Variants in PRPS1 observed in about 807,000 individuals in gnomAD.
PRPS1 encodes the protein phosphoribosyl pyrophosphate synthetase 1.
A neutral mutation model predicts 16.9 loss-of-function variants in PRPS1; 1 was observed. The observed-to-expected ratio is 0.06, with a 90% CI of 0.02 to 0.28. The LOEUF (loss-of-function observed/expected upper bound fraction) is 0.28, where lower values mean the gene tolerates loss of function less well. PRPS1 is among the 10% of genes least tolerant of loss of function. The pLI is 1.00. For synonymous variants in PRPS1, 70 were observed against 90.2 expected, an observed-to-expected ratio of 0.78 and a Z score of 1.27; for missense variants, 47 against 254.0, an observed-to-expected ratio of 0.19 and a Z score of 5.54.
At position 107,635,466 on chromosome X, in the gene PRPS1, G is replaced by A. The variant is rs1467153945; in HGVS notation, c.123-3829G>A. On this transcript the variant is annotated intron_variant, in intron 1 of 6. Transcript: ENST00000372435. ...TCTGATTTTTTTTTTTTTTGAGACA[G>A]TGTCTCACTCTGTCACCCAGGCTGG... 3.7e-5 allele frequency among the ~76,000 whole-genome samples: 4 copies of A among 106,717 alleles called. No individual in the cohort carries two copies. The East Asian group carries it at 1.2e-3, about 31-fold the overall frequency. 92.7% of individuals were successfully genotyped at this position (106,717 alleles called of 115,157 possible).
intron 6 of PRPS1, among the ~76,000 whole-genome samples, chrX:107,648,612 T>C (rs1925756633): frequency 9.2e-6 from 1 of 108,974 alleles, no homozygotes; most frequent in South Asian, 3.9e-4. Flanking sequence ...GGGGTCTCCC[T>C]ATGTTGCCCA....
intron 5 of PRPS1, 114 bp from the exon 6 acceptor site, chrX:107,647,492 T>C (rs1322657685): frequency 1.2e-6 from 1 of 860,536 alleles, no homozygotes; most frequent in African/African-American, 2.0e-5. Flanking sequence ...TTTTTTTATT[T>C]TTTTTCATAT....
chrX:107,645,482 C>A (rs1925671838), intron 5 of PRPS1, 132 bp downstream of exon 5: 1 of 748,358 alleles, frequency 1.3e-6, no homozygotes, highest in Non-Finnish European at 2.0e-6. Flanking sequence ...TTTTATCACC[C>A]AAGGCTTAAA....
At chrX:107,633,081 T>C (rs1406330304) in intron 1 of PRPS1, among the ~76,000 whole-genome samples, 1 of 111,784 alleles carries the variant, frequency 8.9e-6, no homozygotes, top group East Asian at 2.8e-4. Context: ...AGTTATTAGA[T>C]ACATGCCTTA....
intron 1 of PRPS1, chrX:107,636,599 C>T (rs1278586071): frequency 9.0e-6 from 1 of 111,514 alleles, no homozygotes; most frequent in Non-Finnish European, 1.9e-5. Flanking sequence ...TGAGGGTCTT[C>T]CTGTGTTGTC....
intron 5 of PRPS1, among the ~76,000 whole-genome samples, 158 bp from the exon 6 acceptor site, chrX:107,647,448 T>G (rs1479733645): frequency 8.9e-6 from 1 of 111,972 alleles, no homozygotes; most frequent in Non-Finnish European, 1.9e-5. Context: ...AAAAAATTTT[T>G]CCCCTAACCC....
chrX:107,631,135 C>G (rs1056343628), intron 1 of PRPS1, among the ~76,000 whole-genome samples: 1 of 112,145 alleles, frequency 8.9e-6, no homozygotes, highest in Non-Finnish European at 1.9e-5. Flanking sequence ...ATTTATAGCT[C>G]TCTTCACTTA....
At chrX:107,638,043 A>G (rs976497937) in intron 1 of PRPS1, among the ~76,000 whole-genome samples, 1 of 108,631 alleles carries the variant, frequency 9.2e-6, no homozygotes, top group African/African-American at 3.3e-5. Flanking sequence ...GGTTCAAGCA[A>G]TTTTTCTGCC....
At chrX:107,635,824 G>T (rs1191009898) in intron 1 of PRPS1, among the ~76,000 whole-genome samples, 2 of 110,222 alleles carry the variant, frequency 1.8e-5, no homozygotes, top group Non-Finnish European at 3.8e-5. Context: ...ACTTTGGGAG[G>T]TCAAGGCGGG....
rs1925598200 is a variant in PRPS1 at position 107,642,556 on chromosome X, G to A, written c.530+66G>A. The A allele has an allele frequency of 9.2e-6, 11 of 1,196,478 alleles. No individual in the cohort carries two copies. In the South Asian group the frequency reaches 1.9e-4, roughly 21 times the overall value. Reference sequence around the variant, plus strand: ...ATCTTTCAGATGGTTGTGTCACAAAGTGAAGTTTTTCTATCCAAGTGGCAG... The same window carrying A: ...ATCTTTCAGATGGTTGTGTCACAAAATGAAGTTTTTCTATCCAAGTGGCAG... On this transcript the variant is annotated intron_variant, in intron 4 of 6. Transcript: ENST00000372435.
chrX:107,641,206 G>A, intron 3 of PRPS1: 1 of 1,021,365 alleles, frequency 9.8e-7, no homozygotes, highest in Non-Finnish European at 1.3e-6. Context: ...TAGTTTTATG[G>A]GAAGAGCACT....
At chrX:107,644,209 TTTGA>T (rs1309908756) in intron 4 of PRPS1, among the ~76,000 whole-genome samples, 1 of 112,485 alleles carries the variant, frequency 8.9e-6, no homozygotes, top group Non-Finnish European at 1.9e-5. Flanking sequence ...AAGAATTCTC[TTTGA>T]TTGGAAGATA....
chrX:107,634,562 G>A (rs962558672), intron 1 of PRPS1, among the ~76,000 whole-genome samples: 3 of 109,945 alleles, frequency 2.7e-5, no homozygotes, highest in African/African-American at 9.9e-5. Flanking sequence ...TGTATCCCTT[G>A]GCTTCCTGAC....
chrX:107,648,472 C>T (rs761096380), intron 6 of PRPS1, among the ~76,000 whole-genome samples: 19 of 105,823 alleles, frequency 1.8e-4, no homozygotes, highest in Admixed American at 1.2e-3. Context: ...TTGCCCCAGC[C>T]GGAGTGCGCA....
intron 1 of PRPS1, 132 bp downstream of exon 1, chrX:107,628,882 A>AC (rs1925247048): frequency 2.2e-6 from 2 of 928,578 alleles, no homozygotes; most frequent in Non-Finnish European, 3.0e-6. Flanking sequence ...TGACTAGCCT[A>AC]CCCCACGGGC....
In PRPS1 at chrX:107,645,247, G is replaced by A; in HGVS notation, c.601G>A (p.Glu201Lys). 1 of 1,212,255 alleles carries A rather than the reference G, an allele frequency of 8.2e-7. No individual in the cohort carries two copies. The highest frequency in any genetic ancestry group is 1.1e-6 in the Non-Finnish European group (1 of 895,636). Residue 201 changes from glutamate (E) to lysine (K), a missense_variant, in exon 5 of 7, where the codon GAA becomes AAA. Physicochemically the swap from Glu to Lys is moderately conservative, Grantham distance 56 (BLOSUM62 1). Around this residue, in one of 3 missense-constraint regions of PRPS1, gnomAD observed 26 missense variants for 70.2 expected, o/e 0.37. Coordinates refer to ENST00000372435, the MANE Select transcript of PRPS1 (RefSeq NM_002764.4). ...TCACAAAGAACGGAAGAAGGCCAATGAAGTGGACCGCATGGTGCTTGTGGG... is the reference window on the plus strand; with the variant it reads ...TCACAAAGAACGGAAGAAGGCCAATAAAGTGGACCGCATGGTGCTTGTGGG... ...LIHKERKKANEVDRMVLVGDV... is the reference protein window; with the variant it reads ...LIHKERKKANKVDRMVLVGDV...
intron 4 of PRPS1, among the ~76,000 whole-genome samples, chrX:107,644,661 G>A (rs1243999719): frequency 8.9e-6 from 1 of 111,756 alleles, no homozygotes; most frequent in Non-Finnish European, 1.9e-5. Flanking sequence ...CTTCTGTTGA[G>A]CTATGGAGGC....
chrX:107,646,924 C>T (rs1265493085), intron 5 of PRPS1, among the ~76,000 whole-genome samples: 1 of 112,495 alleles, frequency 8.9e-6, no homozygotes, highest in Non-Finnish European at 1.9e-5. Flanking sequence ...AAATGTAGTT[C>T]AGCTATGTGC....
rs983877312 is a variant in PRPS1, at chrX:107,650,996, G to T, written c.*964G>T. On this transcript the variant is annotated 3_prime_UTR_variant, in exon 7 of 7. Transcript: ENST00000372435. Reference sequence around the variant, plus strand: ...GATTGATGTTATTGTCTCTTGTAGAGGAAACTAATAAAGTGTGTGTACCTG... The same window carrying T: ...GATTGATGTTATTGTCTCTTGTAGATGAAACTAATAAAGTGTGTGTACCTG... The T allele has an allele frequency of 5.9e-6, 1 of 170,500 alleles. No individual in the cohort carries two copies. Among genetic ancestry groups the T allele is most frequent in the Non-Finnish European group, 1.1e-5 (1 of 90,970 alleles). The allele number at this position is 170,500 out of a possible 1,213,427, so 14.1% of individuals were successfully genotyped here.
Sources: allele counts gnomAD v4.1 joint callset (sites outside exome capture counted in the v4.1 genomes callset), GRCh38; gene constraint gnomAD v4.1.1; regional missense constraint gnomAD v4.1.1; transcripts MANE v1.5; gene names NCBI Gene and HGNC (gene_info 2026-07-23, HGNC 2026-07-21).